The following JAKMIP3 variants were observed in gnomAD, a reference collection of about 807,000 sequenced individuals.
JAKMIP3 encodes janus kinase and microtubule-interacting protein 3.
In JAKMIP3, 58 loss-of-function variants were observed where a neutral mutation model predicts 118.5. That is an observed-to-expected ratio of 0.49 (90% CI 0.40 to 0.61). JAKMIP3 has a LOEUF of 0.61. Among genes scored for constraint, JAKMIP3 ranks in the 20% least tolerant of loss-of-function variants. The pLI, the probability that JAKMIP3 is intolerant of heterozygous loss-of-function variation, is 0.00. For synonymous variants in JAKMIP3, 486 were observed against 451.2 expected, an observed-to-expected ratio of 1.08 and a Z score of -0.98; for missense variants, 950 against 1,109.0, an observed-to-expected ratio of 0.86 and a Z score of 2.04.
In JAKMIP3 at chr10:132,152,975, G is replaced by A. The variant is rs763180404; in HGVS notation, c.2025G>A (p.Glu675=). ...GGGTGCAGAACCTGACCAATGAGGAGCAGGTGGTTGTCATACAAGCCAGGA... is the reference window on the plus strand; with the variant it reads ...GGGTGCAGAACCTGACCAATGAGGAACAGGTGGTTGTCATACAAGCCAGGA... ...DNAVSNLTNE[E]QVVVIQARTV... The change falls in exon 17 of 24, where the codon GAG becomes GAA. Residue 675 remains glutamate (E), a synonymous_variant. Transcript: ENST00000684848. The A allele has an allele frequency of 1.9e-6, 3 of 1,607,844 alleles. No individual in the cohort carries two copies. Among genetic ancestry groups the A allele is most frequent in the Non-Finnish European group, 2.5e-6 (3 of 1,177,674 alleles).
rs989532857 is a variant in JAKMIP3, at chr10:132,104,634, G to A, written c.-137-38G>A. The A allele has an allele frequency of 1.1e-4, 70 of 663,358 alleles. 1 individual carries two copies. Among genetic ancestry groups the A allele is most frequent in the Non-Finnish European group, 1.6e-4 (63 of 393,602 alleles). The allele number at this position is 663,358 out of a possible 1,614,324, so 41.1% of individuals were successfully genotyped here. ...CCCCTGAGCTCCAGGCCACGGCTCC[G>A]GAGGGAGCTGCTCACCGCGGTGTGC... On this transcript the variant is annotated intron_variant, in intron 1 of 23. Coordinates refer to ENST00000684848, the MANE Select transcript of JAKMIP3 (RefSeq NM_001323087.2).
Position 132,117,341 on chromosome 10 carries a change from G to A in JAKMIP3, c.400G>A (p.Val134Met), listed in dbSNP as rs372132098. The A allele has an allele frequency of 8.7e-6, 14 of 1,613,976 alleles. No individual in the cohort carries two copies. The highest frequency in any genetic ancestry group is 4.5e-5 in the East Asian group (2 of 44,870). ...RDGGPEKVKTVLLSEAKEEAK... is the reference protein window; with the variant it reads ...RDGGPEKVKTMLLSEAKEEAK... ...TGGCGGCCCCGAAAAGGTCAAGACC[G>A]TGCTGCTGTCCGAGGCCAAGGAGGA... Residue 134 changes from valine (V) to methionine (M), a missense_variant, in exon 3 of 24, where the codon GTG (valine) becomes ATG (methionine). By Grantham distance (21) the Val-to-Met change is conservative. Coordinates refer to ENST00000684848, the MANE Select transcript of JAKMIP3 (RefSeq NM_001323087.2). The surrounding 1 kb of genome is among the most constrained non-coding windows in gnomAD (Gnocchi z 8.6).
upstream of JAKMIP3, among the ~76,000 whole-genome samples, chr10:132,061,960 C>T (rs910354791): frequency 6.6e-6 from 1 of 152,128 alleles, no homozygotes; most frequent in African/African-American, 2.4e-5. Flanking sequence ...AAAGACTAGC[C>T]GAGGCTTCAC....
intron 23 of JAKMIP3, among the ~76,000 whole-genome samples, chr10:132,177,918 TTG>T (rs566751910): frequency 7.0e-4 from 104 of 148,646 alleles, no homozygotes; most frequent in African/African-American, 2.4e-3. Context: ...GTGCATTTGG[TTG>T]TGTGTGTGCA....
chr10:132,132,405 G>A (rs898999971), intron 3 of JAKMIP3, among the ~76,000 whole-genome samples: 5 of 152,206 alleles, frequency 3.3e-5, no homozygotes, highest in Non-Finnish European at 7.3e-5. Flanking sequence ...TCTGAAGAGC[G>A]GGGGCTGTCG....
intron 1 of JAKMIP3, among the ~76,000 whole-genome samples, chr10:132,098,771 AG>A (rs776412475): frequency 1.1e-4 from 17 of 152,092 alleles, no homozygotes; most frequent in Non-Finnish European, 1.9e-4. Context: ...TGCAGTGAGG[AG>A]GGGGCTCTTT....
intron 1 of JAKMIP3, among the ~76,000 whole-genome samples, chr10:132,051,390 T>C (rs199921211): frequency 6.8e-5 from 10 of 147,176 alleles, no homozygotes; most frequent in African/African-American, 1.5e-4. Context: ...TTTCCTGGCA[T>C]GGTTGGTCTT....
intron 3 of JAKMIP3, among the ~76,000 whole-genome samples, chr10:132,124,463 C>G (rs535154830): frequency 1.4e-5 from 2 of 147,342 alleles, no homozygotes; most frequent in African/African-American, 2.5e-5. Context: ...GCCGGTGGGC[C>G]GCGCCATACA....
chr10:132,154,098 A>G (rs754203204), intron 19 of JAKMIP3, 108 bp downstream of exon 19: 25 of 931,874 alleles, frequency 2.7e-5, no homozygotes, highest in Non-Finnish European at 4.0e-5. Context: ...GCCAGGTCGC[A>G]GGGCCCCTAA....
chr10:132,040,203 G>A (rs1269631954), intron 1 of JAKMIP3, among the ~76,000 whole-genome samples: 1 of 152,178 alleles, frequency 6.6e-6, no homozygotes, highest in Non-Finnish European at 1.5e-5. Flanking sequence ...TTACAAGAAG[G>A]GACATGGGAT....
At chr10:132,046,530 G>A (rs2037923629) in intron 1 of JAKMIP3, among the ~76,000 whole-genome samples, 1 of 152,018 alleles carries the variant, frequency 6.6e-6, no homozygotes, top group African/African-American at 2.4e-5. Flanking sequence ...CGCGTCTTGG[G>A]TCTTCCATTT....
At position 132,159,672 on chromosome 10, in the gene JAKMIP3, T is replaced by G. The variant is rs576211774; in HGVS notation, c.2221-3537T>G. On this transcript the variant is annotated intron_variant, in intron 19 of 23. Transcript: ENST00000684848. The stretch of plus-strand genomic sequence containing the variant: ...CCTCTCCCTGTGTGATGCTGGGGGG[T>G]CCTCTCCCTATGTGATGCTCAGGGG... Among the ~76,000 whole-genome samples the G allele has an allele frequency of 8.4e-3, 276 of 32,778 alleles. 1 individual carries two copies. The highest frequency in any genetic ancestry group is 0.019 in the South Asian group (15 of 798). 21.5% of individuals were successfully genotyped at this position (32,778 alleles called of 152,430 possible).
At chr10:132,159,619 G>GGCAT (rs2057684293) in intron 19 of JAKMIP3, among the ~76,000 whole-genome samples, 1 of 110,488 alleles carries the variant, frequency 9.1e-6, no homozygotes, top group African/African-American at 3.6e-5. Context: ...TGATGCTGGG[G>GGCAT]GTCCTCTTCC....
At chr10:132,174,131 C>T (rs1055130686) in intron 23 of JAKMIP3, among the ~76,000 whole-genome samples, 30 of 151,934 alleles carry the variant, frequency 2.0e-4, no homozygotes, top group African/African-American at 6.8e-4. Flanking sequence ...TCTGCAATGG[C>T]TTTCTCGGTT....
chr10:132,118,372 A>G lies in JAKMIP3; in HGVS notation c.633+798A>G, dbSNP rs544870600. 2.0e-5 allele frequency among the ~76,000 whole-genome samples: 3 copies of G among 152,222 alleles called. No homozygotes were observed. In the South Asian group the frequency reaches 6.2e-4, roughly 32 times the overall value. ...CCTTTGGAGAGGAGACTGTCCTGTG[A>G]TTTTGGGGGAAATGGAGCTCTGTCT... On this transcript the variant is annotated intron_variant, in intron 3 of 23. Transcript: ENST00000684848. This position sits in a 1 kb window ranked among gnomAD's most constrained non-coding sequence, Gnocchi z 4.8.
intron 17 of JAKMIP3, among the ~76,000 whole-genome samples, chr10:132,153,317 A>G (rs2056554793): frequency 1.3e-5 from 2 of 151,990 alleles, no homozygotes. Flanking sequence ...TGTTCAACTT[A>G]CCCTGACCCC....
At chr10:132,152,712 C>T (rs1056669938) in intron 16 of JAKMIP3, among the ~76,000 whole-genome samples, 2 of 152,198 alleles carry the variant, frequency 1.3e-5, no homozygotes, top group Admixed American at 6.5e-5. Flanking sequence ...TTACCTAGAC[C>T]TGGTGATTAC....
chr10:132,111,247 G>A (rs1289046759), intron 2 of JAKMIP3, among the ~76,000 whole-genome samples: 3 of 152,180 alleles, frequency 2.0e-5, no homozygotes, highest in African/African-American at 7.2e-5. Context: ...GTGGAGGGAG[G>A]CAGCAATGAC....
chr10:132,036,754 G>C (rs2037510900), intron 1 of JAKMIP3, among the ~76,000 whole-genome samples: 1 of 151,190 alleles, frequency 6.6e-6, no homozygotes. Flanking sequence ...CAGCGGCCGG[G>C]GTGGGGCCGC....
Sources: gnomAD v4.1 joint callset for allele counts (sites outside exome capture counted in the v4.1 genomes callset) on GRCh38, gnomAD v4.1.1 for gene constraint, Gnocchi (gnomAD v3.1) non-coding constraint, MANE v1.5 for transcripts, NCBI Gene and HGNC (gene_info 2026-07-23, HGNC 2026-07-21) for gene names.